The following SPIRE1 variants were observed in gnomAD, a reference collection of about 807,000 sequenced individuals.
SPIRE1 encodes the protein spire type actin nucleation factor 1.
SPIRE1 carries 40 observed loss-of-function variants against 94.1 expected under a neutral mutation model. That is an observed-to-expected ratio of 0.43 (90% confidence interval 0.33 to 0.55). The LOEUF (loss-of-function observed/expected upper bound fraction) is 0.55, where lower values mean the gene tolerates loss of function less well. SPIRE1 is among the 20% of genes least tolerant of loss of function. The pLI is 0.06. For synonymous variants in SPIRE1, 376 were observed against 371.7 expected (o/e 1.01, Z -0.13); for missense variants, 838 against 975.2 (o/e 0.86, Z 1.87).
In SPIRE1 at chr18:12,452,340, G is replaced by A. The variant is rs1394931973; in HGVS notation, c.1927C>T (p.Pro643Ser). The change falls in exon 16 of 17, where the codon CCT becomes TCT. Residue 643 changes from proline to serine, a missense_variant. Pro to Ser is a moderately conservative substitution (Grantham distance 74). Transcript: ENST00000409402. The part of the protein sequence containing the change: ...YSTLPIFSLG[P>S]SALQRGESSM... ...CTTTCCCCTCTTTGCAGAGCAGAAGGTCCCAATGAAAAGATAGGAAGAGTG... is the reference window on the plus strand; with the variant it reads ...CTTTCCCCTCTTTGCAGAGCAGAAGATCCCAATGAAAAGATAGGAAGAGTG... The A allele has an allele frequency of 6.2e-7, 1 of 1,614,114 alleles. No individual in the cohort carries two copies. Among genetic ancestry groups the A allele is most frequent in the Non-Finnish European group, 8.5e-7 (1 of 1,180,008 alleles).
At chr18:12,459,451 G>C (rs2031679916) in intron 12 of SPIRE1, among the ~76,000 whole-genome samples, 1 of 152,240 alleles carries the variant, frequency 6.6e-6, no homozygotes, top group Non-Finnish European at 1.5e-5. Flanking sequence ...CGGGCTCAGA[G>C]TGCCTGCTGC....
At chr18:12,524,432 A>G (rs1273147647) in intron 4 of SPIRE1, among the ~76,000 whole-genome samples, 1 of 152,214 alleles carries the variant, frequency 6.6e-6, no homozygotes, top group Non-Finnish European at 1.5e-5. Flanking sequence ...AAAATCACAA[A>G]TTGGCAAAAT....
chr18:12,540,246 G>T (rs1424654273), intron 3 of SPIRE1, among the ~76,000 whole-genome samples: 1 of 152,082 alleles, frequency 6.6e-6, no homozygotes, highest in Non-Finnish European at 1.5e-5. Context: ...GGTAATCCTA[G>T]ACTTGTTTCT....
chr18:12,490,382 A>G (rs560909666), intron 8 of SPIRE1, among the ~76,000 whole-genome samples: 1 of 152,312 alleles, frequency 6.6e-6, no homozygotes, highest in East Asian at 1.9e-4. Context: ...TTCACTGGTG[A>G]ATTCTACCAA....
rs970342818 is a variant in SPIRE1, at chr18:12,487,832, A to C, written c.1190-1832T>G. On this transcript the variant is annotated intron_variant, in intron 8 of 16. Coordinates refer to ENST00000409402, the MANE Select transcript of SPIRE1 (RefSeq NM_001128626.2). ...ATATAAATGGCGTAAAGCTCAATAA[A>C]GCTGTTAAAAAGGTTATTGCAGAGA... Among the ~76,000 whole-genome samples the C allele has an allele frequency of 3.3e-5, 5 of 152,358 alleles. No individual in the cohort carries two copies. The East Asian group carries it at 9.6e-4, about 29-fold the overall frequency.
At chr18:12,551,688 C>T (rs1355711790) in intron 2 of SPIRE1, among the ~76,000 whole-genome samples, 2 of 149,388 alleles carry the variant, frequency 1.3e-5, no homozygotes, top group Non-Finnish European at 3.0e-5. Flanking sequence ...GGTGACAGAG[C>T]GAGACTCCGT....
intron 2 of SPIRE1, among the ~76,000 whole-genome samples, chr18:12,617,154 TC>T (rs1240425198): frequency 4.7e-5 from 5 of 106,158 alleles, no homozygotes; most frequent in Admixed American, 1.1e-4. Flanking sequence ...GCAACCATGC[TC>T]ACTATTTTTT....
chr18:12,527,636 A>C (rs1240742400), intron 4 of SPIRE1, among the ~76,000 whole-genome samples: 1 of 152,198 alleles, frequency 6.6e-6, no homozygotes, highest in African/African-American at 2.4e-5. Context: ...AGCAGAATGA[A>C]TATGAAGAGG....
chr18:12,470,343 T>C (rs2032303362), intron 10 of SPIRE1, among the ~76,000 whole-genome samples: 1 of 152,174 alleles, frequency 6.6e-6, no homozygotes, highest in African/African-American at 2.4e-5. Flanking sequence ...GATTACCCAA[T>C]GCACATACAA....
At chr18:12,625,513 T>C (rs909755240) in intron 2 of SPIRE1, among the ~76,000 whole-genome samples, 3 of 152,224 alleles carry the variant, frequency 2.0e-5, no homozygotes, top group Admixed American at 6.5e-5. Flanking sequence ...GGCAAAGCCA[T>C]CTGCTAAAAG....
intron 4 of SPIRE1, among the ~76,000 whole-genome samples, chr18:12,524,437 CA>C (rs2034444184): frequency 6.6e-6 from 1 of 152,068 alleles, no homozygotes; most frequent in African/African-American, 2.4e-5. Context: ...CACAAATTGG[CA>C]AAATACTACT....
At chr18:12,518,751 G>A (rs935320807) in intron 4 of SPIRE1, among the ~76,000 whole-genome samples, 1 of 151,896 alleles carries the variant, frequency 6.6e-6, no homozygotes, top group Non-Finnish European at 1.5e-5. Flanking sequence ...TACATAAAGA[G>A]TATTAAATAC....
chr18:12,553,252 G>A (rs969202826), intron 2 of SPIRE1, among the ~76,000 whole-genome samples: 6 of 152,196 alleles, frequency 3.9e-5, no homozygotes, highest in Non-Finnish European at 8.8e-5. Context: ...GCCACAGTGG[G>A]GTAGAGCACC....
intron 1 of SPIRE1, chr18:12,656,709 C>T: frequency 2.0e-6 from 2 of 981,956 alleles, no homozygotes; most frequent in Non-Finnish European, 2.4e-6. Flanking sequence ...CAACCTCCTC[C>T]TCCTCTTCAA....
At chr18:12,470,390 A>C (rs1242109824) in intron 10 of SPIRE1, among the ~76,000 whole-genome samples, 1 of 152,166 alleles carries the variant, frequency 6.6e-6, no homozygotes. Flanking sequence ...AATTGTTTTA[A>C]ATTTTACGTT....
rs142814234 is a variant in SPIRE1 at position 12,547,053 on chromosome 18, C to T, written c.373-149G>A. On this transcript the variant is annotated intron_variant, in intron 2 of 16. Transcript: ENST00000409402. ...CTTTTTATATTCTCTTAGATTTATACTTTGTGTTAAAATTTGTATTTGCCA... is the reference window on the plus strand; with the variant it reads ...CTTTTTATATTCTCTTAGATTTATATTTTGTGTTAAAATTTGTATTTGCCA... 9 of 570,276 alleles carry T rather than the reference C, an allele frequency of 1.6e-5. No individual in the cohort carries two copies. In the Admixed American group the frequency reaches 1.6e-4, roughly 10 times the overall value. 35.3% of individuals were successfully genotyped at this position (570,276 alleles called of 1,614,324 possible). A position where few individuals can be genotyped will look rare whatever the true frequency, so the allele number is the denominator to read the frequency against.
At chr18:12,510,731 T>C (rs975619074) in intron 5 of SPIRE1, among the ~76,000 whole-genome samples, 1 of 151,832 alleles carries the variant, frequency 6.6e-6, no homozygotes, top group Non-Finnish European at 1.5e-5. Flanking sequence ...TTTAGTGGGA[T>C]AGCTGGCCAT....
chr18:12,495,915 G>A, intron 7 of SPIRE1, 101 bp downstream of exon 7: 1 of 880,804 alleles, frequency 1.1e-6, no homozygotes, highest in South Asian at 1.6e-5. Context: ...AAAGCTCAGA[G>A]GAAAAACCAC....
At chr18:12,551,196 TG>T (rs2035337566) in intron 2 of SPIRE1, among the ~76,000 whole-genome samples, 1 of 152,186 alleles carries the variant, frequency 6.6e-6, no homozygotes, top group Non-Finnish European at 1.5e-5. Context: ...CATAATGCTT[TG>T]GATCTTGTCT....
Sources: gnomAD v4.1 joint callset for allele counts (sites outside exome capture counted in the v4.1 genomes callset) on GRCh38, gnomAD v4.1.1 for gene constraint, MANE v1.5 for transcripts, NCBI Gene and HGNC (gene_info 2026-07-23, HGNC 2026-07-21) for gene names.